Variants in IL12RB1 observed in about 807,000 individuals in gnomAD.
IL12RB1 encodes the protein interleukin-12 receptor subunit beta-1.
In IL12RB1, 64 loss-of-function variants were observed where a neutral mutation model predicts 94.4. The ratio of observed to expected loss-of-function variants is 0.68; its 90% CI spans 0.55 to 0.83. The LOEUF (loss-of-function observed/expected upper bound fraction) is 0.83. Among genes scored for constraint, IL12RB1 ranks in the 40% least tolerant of loss-of-function variants. IL12RB1 has a pLI of 0.00. For synonymous variants in IL12RB1, 362 were observed against 355.5 expected, an observed-to-expected ratio of 1.02 and a Z score of -0.21; for missense variants, 814 against 855.6, an observed-to-expected ratio of 0.95 and a Z score of 0.61.
intron 11 of IL12RB1, among the ~76,000 whole-genome samples, chr19:18,067,588 G>A (rs1305401272): frequency 6.6e-6 from 1 of 152,122 alleles, no homozygotes; most frequent in East Asian, 1.9e-4. Context: ...TGGATCACGA[G>A]GTTAGGCATT....
chr19:18,072,676 G>T (rs1374635479), intron 8 of IL12RB1, among the ~76,000 whole-genome samples: 5 of 151,970 alleles, frequency 3.3e-5, no homozygotes, highest in African/African-American at 9.7e-5. Context: ...GGCCGGGCAC[G>T]GGGGCTCACG....
Position 18,060,009 on chromosome 19 carries a change from C to A in IL12RB1, c.1868G>T (p.Trp623Leu). ...AGGCTCAGTCCTCTCGCCTTTGTCCCAGGACATCTCTACCACCAGGGCCTC... is the reference window on the plus strand; with the variant it reads ...AGGCTCAGTCCTCTCGCCTTTGTCCAAGGACATCTCTACCACCAGGGCCTC... ...LQEALVVEMS[W>L]DKGERTEPLE... The change falls in exon 16 of 17, where the codon TGG becomes TTG. Residue 623 changes from tryptophan (W) to leucine (L), a missense_variant. By Grantham distance (61) the Trp-to-Leu change is moderately conservative. Coordinates refer to ENST00000593993, the MANE Select transcript of IL12RB1 (RefSeq NM_005535.3). The A allele has an allele frequency of 1.9e-6, 3 of 1,603,404 alleles. No individual in the cohort carries two copies. Among genetic ancestry groups the A allele is most frequent in the East Asian group, 2.2e-5 (1 of 44,750 alleles).
intron 15 of IL12RB1, among the ~76,000 whole-genome samples, chr19:18,060,372 G>A (rs2034034114): frequency 6.6e-6 from 1 of 152,092 alleles, no homozygotes; most frequent in Non-Finnish European, 1.5e-5. Context: ...CCAGCTACTT[G>A]GGAGGCTGAA....
At chr19:18,063,790 G>C in intron 13 of IL12RB1, 86 bp downstream of exon 13, 1 of 1,267,184 alleles carries the variant, frequency 7.9e-7, no homozygotes, top group East Asian at 2.5e-5. Flanking sequence ...GGGAGTGAGA[G>C]TGAGGGCAGG....
At chr19:18,062,934 G>A (rs2034254747) in intron 13 of IL12RB1, among the ~76,000 whole-genome samples, 1 of 151,650 alleles carries the variant, frequency 6.6e-6, no homozygotes, top group South Asian at 2.1e-4. Flanking sequence ...GGCATGAACA[G>A]GGATCATTTG....
At chr19:18,068,171 A>G (rs1176356312) in intron 11 of IL12RB1, among the ~76,000 whole-genome samples, 1 of 151,082 alleles carries the variant, frequency 6.6e-6, no homozygotes, top group Admixed American at 6.6e-5. Context: ...AATTACAGGC[A>G]CCCGCCACCA....
upstream of IL12RB1, chr19:18,091,338 G>C (rs965074970): frequency 6.6e-6 from 1 of 152,290 alleles, no homozygotes; most frequent in African/African-American, 2.4e-5. Flanking sequence ...TCCCAGGGCT[G>C]CCCCACTTTC....
At chr19:18,075,986 T>C in intron 6 of IL12RB1, 118 bp from the exon 7 acceptor site, 3 of 1,012,136 alleles carry the variant, frequency 3.0e-6, no homozygotes, top group Non-Finnish European at 4.7e-6. Context: ...TGCTGGGTCC[T>C]GGGGGCTCAG....
intron 1 of IL12RB1, 103 bp downstream of exon 1, chr19:18,086,657 C>T: frequency 8.9e-7 from 1 of 1,129,646 alleles, no homozygotes; most frequent in Non-Finnish European, 1.3e-6. Context: ...GACTGAGGCA[C>T]AGAGAGATGA....
intron 16 of IL12RB1, 113 bp from the exon 17 acceptor site, chr19:18,059,726 C>G: frequency 2.7e-6 from 2 of 752,860 alleles, no homozygotes; most frequent in Non-Finnish European, 5.0e-6. Context: ...TAATAACCAG[C>G]CGTTGTGATT....
At chr19:18,096,645 G>A (rs1226883489) in intron 1 of IL12RB1, among the ~76,000 whole-genome samples, 2 of 151,918 alleles carry the variant, frequency 1.3e-5, no homozygotes, top group African/African-American at 4.8e-5. Context: ...GACAAGCCTG[G>A]CCAACATGGT....
intron 11 of IL12RB1, among the ~76,000 whole-genome samples, chr19:18,067,526 G>A (rs756372815): frequency 1.3e-5 from 2 of 151,906 alleles, no homozygotes; most frequent in African/African-American, 2.4e-5. Context: ...AATGCTGGCC[G>A]GGCGCAGTGG....
At chr19:18,082,919 C>A (rs977775654) in intron 2 of IL12RB1, among the ~76,000 whole-genome samples, 1 of 151,928 alleles carries the variant, frequency 6.6e-6, no homozygotes, top group Non-Finnish European at 1.5e-5. Flanking sequence ...CTGGTCTCTA[C>A]TAAAAATACA....
rs57327846 is a variant in IL12RB1, at chr19:18,067,326, G to GAAAAA, written c.1328-634_1328-630dup. ...GCCACAGAGAGTGACTCTGTCTCAA[G>GAAAAA]AAAAAAAAAAAAAAAAAAAAAAAAG... On this transcript the variant is annotated intron_variant, in intron 11 of 16. Transcript: ENST00000593993. 2.2e-4 allele frequency among the ~76,000 whole-genome samples: 18 copies of GAAAAA among 82,588 alleles called. 1 individual carries two copies. Among genetic ancestry groups the GAAAAA allele is most frequent in the African/African-American group, 5.6e-4 (13 of 23,060 alleles). The allele number at this position is 82,588 out of a possible 152,430, so 54.2% of individuals were successfully genotyped here.
chr19:18,075,252 C>CA (rs533842200), intron 7 of IL12RB1, among the ~76,000 whole-genome samples: 1 of 132,972 alleles, frequency 7.5e-6, no homozygotes. Flanking sequence ...TTTATTATTA[C>CA]TTTTTTTTTT....
upstream of IL12RB1, chr19:18,087,082 T>A (rs538284974): frequency 4.5e-6 from 3 of 670,078 alleles, no homozygotes; most frequent in Admixed American, 2.8e-5. Context: ...TTGGAGCAAG[T>A]CAGGGTTCTA....
chr19:18,096,241 CA>C (rs113223772), intron 1 of IL12RB1, among the ~76,000 whole-genome samples: 21 of 150,242 alleles, frequency 1.4e-4, no homozygotes, highest in Admixed American at 9.3e-4. Context: ...GACCCTGTCT[CA>C]AAAAAAAAAT....
intron 5 of IL12RB1, among the ~76,000 whole-genome samples, 188 bp from the exon 6 acceptor site, chr19:18,076,515 C>T (rs530730366): frequency 3.3e-5 from 5 of 152,236 alleles, no homozygotes; most frequent in East Asian, 1.9e-4. Context: ...GTGATCCTCC[C>T]GCCTCAGTCT....
intron 12 of IL12RB1, among the ~76,000 whole-genome samples, chr19:18,066,182 A>G (rs1369065166): frequency 1.3e-5 from 2 of 151,780 alleles, no homozygotes; most frequent in African/African-American, 4.8e-5. Flanking sequence ...ATCTCGGCTC[A>G]CTGCAATCTC....
Sources: allele counts gnomAD v4.1 joint callset (sites outside exome capture counted in the v4.1 genomes callset), GRCh38; gene constraint gnomAD v4.1.1; transcripts MANE v1.5; gene names NCBI Gene and HGNC (gene_info 2026-07-23, HGNC 2026-07-21).